The following MEF2A variants were observed in gnomAD, a reference collection of about 807,000 sequenced individuals.
MEF2A encodes myocyte enhancer factor 2A.
A neutral mutation model predicts 55.8 loss-of-function variants in MEF2A; 28 were observed. The observed-to-expected ratio is 0.50, with a 90% CI of 0.37 to 0.69. MEF2A has a LOEUF of 0.69. Among genes scored for constraint, MEF2A ranks in the 30% least tolerant of loss-of-function variants. MEF2A has a pLI of 0.00. For missense variants in MEF2A, 528 were observed against 626.2 expected (o/e 0.84, Z 1.67); for synonymous variants, 239 against 227.1 (o/e 1.05, Z -0.47).
In MEF2A at chr15:99,621,308, C is replaced by G. The variant is rs185400214; in HGVS notation, c.-142-11670C>G. ...ACCTCTGTAGGCTTCTATATTATTC[C>G]CCTGCCATATATTCACTCTTTTGAT... On this transcript the variant is annotated intron_variant, in intron 2 of 11. Transcript: ENST00000557942. Among the ~76,000 whole-genome samples the G allele has an allele frequency of 4.3e-3, 655 of 152,114 alleles. 9 individuals are homozygous for G. Among genetic ancestry groups the G allele is most frequent in the African/African-American group, 0.015 (605 of 41,508 alleles).
chr15:99,647,744 A>C (rs1411846717), intron 4 of MEF2A, among the ~76,000 whole-genome samples: 1 of 152,178 alleles, frequency 6.6e-6, no homozygotes, highest in African/African-American at 2.4e-5. Context: ...ATTTCCTCAA[A>C]ATAAGTTAAA....
intron 3 of MEF2A, among the ~76,000 whole-genome samples, chr15:99,639,430 C>A (rs989957562): frequency 6.6e-6 from 1 of 152,200 alleles, no homozygotes; most frequent in Non-Finnish European, 1.5e-5. Flanking sequence ...TGCTCTCATT[C>A]AATACAGCTA....
chr15:99,687,390 C>G (rs1343022277), intron 7 of MEF2A, among the ~76,000 whole-genome samples: 1 of 151,936 alleles, frequency 6.6e-6, no homozygotes, highest in Non-Finnish European at 1.5e-5. Flanking sequence ...TTTGTAACAC[C>G]TAGTGTCTGC....
chr15:99,675,554 T>C, intron 7 of MEF2A, 96 bp downstream of exon 7: 1 of 1,049,212 alleles, frequency 9.5e-7, no homozygotes. Flanking sequence ...GGAAATTTCC[T>C]TCTGAAGGGT....
intron 4 of MEF2A, among the ~76,000 whole-genome samples, chr15:99,649,229 T>G (rs1269354227): frequency 6.6e-6 from 1 of 152,144 alleles, no homozygotes; most frequent in Non-Finnish European, 1.5e-5. Context: ...GATGTATATA[T>G]CCCCTACATT....
At chr15:99,698,591 G>A (rs1324109855) in intron 8 of MEF2A, among the ~76,000 whole-genome samples, 3 of 151,708 alleles carry the variant, frequency 2.0e-5, no homozygotes, top group Non-Finnish European at 2.9e-5. Flanking sequence ...TTGGGAGTTC[G>A]AGACCAGCCT....
At chr15:99,666,986 C>T (rs1207971206) in intron 4 of MEF2A, among the ~76,000 whole-genome samples, 1 of 152,202 alleles carries the variant, frequency 6.6e-6, no homozygotes, top group Non-Finnish European at 1.5e-5. Flanking sequence ...CCTGTCTTGT[C>T]ATATTTCATC....
intron 4 of MEF2A, among the ~76,000 whole-genome samples, chr15:99,669,476 G>A (rs899729600): frequency 2.0e-5 from 3 of 152,160 alleles, no homozygotes; most frequent in African/African-American, 7.2e-5. Context: ...GAGGATAAAT[G>A]CCTTTATCCT....
At chr15:99,588,777 A>T (rs561185807) in intron 1 of MEF2A, among the ~76,000 whole-genome samples, 78 of 150,314 alleles carry the variant, frequency 5.2e-4, no homozygotes, top group Non-Finnish European at 8.7e-4. Context: ...TTTTTTTTTT[A>T]AATTTTTTCC....
chr15:99,653,852 A>T (rs2047248574), intron 4 of MEF2A, among the ~76,000 whole-genome samples: 1 of 152,042 alleles, frequency 6.6e-6, no homozygotes, highest in Non-Finnish European at 1.5e-5. Context: ...TTTTTATATA[A>T]ATTTTCTTTT....
chr15:99,638,995 A>G (rs922571687), intron 3 of MEF2A, among the ~76,000 whole-genome samples: 3 of 152,176 alleles, frequency 2.0e-5, no homozygotes, highest in Admixed American at 1.3e-4. Flanking sequence ...TTGGTCTTCC[A>G]ACAACTACTC....
intron 7 of MEF2A, chr15:99,678,722 T>G (rs2052603958): frequency 2.1e-6 from 2 of 967,858 alleles, no homozygotes; most frequent in Non-Finnish European, 2.5e-6. Flanking sequence ...AGGCAAAGAC[T>G]TCTTAAATAA....
intron 4 of MEF2A, among the ~76,000 whole-genome samples, chr15:99,658,632 T>G (rs1217282064): frequency 6.6e-6 from 1 of 151,340 alleles, no homozygotes; most frequent in Non-Finnish European, 1.5e-5. Flanking sequence ...AAACTCTATA[T>G]AGACATAGTG....
At position 99,712,706 on chromosome 15, in the gene MEF2A, C is replaced by A; in HGVS notation, c.1453C>A (p.Pro485Thr). 6.4e-7 allele frequency: 1 copy of A among 1,565,170 alleles called. No homozygotes were observed. Reference sequence around the variant, plus strand: ...TTCTCCAATTGTGCTTGGCCGACCCCCAAACACTGAGGACAGAGAAAGCCC... The same window carrying A: ...TTCTCCAATTGTGCTTGGCCGACCCACAAACACTGAGGACAGAGAAAGCCC... ...FHSPIVLGRP[P>T]NTEDRESPSV... is the part of the protein sequence containing the mutation. Residue 485 changes from proline (P) to threonine (T), a missense_variant, in exon 12 of 12, where the codon CCA (proline) becomes ACA (threonine). Transcript: ENST00000557942. This position sits in a 1 kb window ranked among gnomAD's most constrained non-coding sequence, Gnocchi z 4.1.
chr15:99,621,787 C>T (rs950615573), intron 2 of MEF2A, among the ~76,000 whole-genome samples: 2 of 152,020 alleles, frequency 1.3e-5, no homozygotes, highest in East Asian at 1.9e-4. Flanking sequence ...ATAGAGATGC[C>T]TGTTTATTTC....
At chr15:99,601,217 G>T (rs1488218826) in intron 2 of MEF2A, among the ~76,000 whole-genome samples, 4 of 152,082 alleles carry the variant, frequency 2.6e-5, no homozygotes, top group Non-Finnish European at 5.9e-5. Context: ...AGATAGAATT[G>T]ATTTTTATAT....
At chr15:99,662,345 A>G (rs1202734655) in intron 4 of MEF2A, among the ~76,000 whole-genome samples, 1 of 152,230 alleles carries the variant, frequency 6.6e-6, no homozygotes, top group African/African-American at 2.4e-5. Context: ...CAGAGTAGCT[A>G]GAAAGAATAG....
At chr15:99,570,162 A>G (rs909544816) in intron 1 of MEF2A, among the ~76,000 whole-genome samples, 1 of 152,176 alleles carries the variant, frequency 6.6e-6, no homozygotes, top group South Asian at 2.1e-4. Context: ...TACCATATTT[A>G]AACATTGGTG....
intron 3 of MEF2A, among the ~76,000 whole-genome samples, chr15:99,637,232 TA>T (rs2153435096): frequency 6.6e-6 from 1 of 152,202 alleles, no homozygotes; most frequent in East Asian, 1.9e-4. Context: ...GGAATTTAGA[TA>T]TTTTTTTTCC....
Sources: allele counts gnomAD v4.1 joint callset (sites outside exome capture counted in the v4.1 genomes callset), GRCh38; gene constraint gnomAD v4.1.1; non-coding constraint Gnocchi (gnomAD v3.1); transcripts MANE v1.5; gene names NCBI Gene and HGNC (gene_info 2026-07-23, HGNC 2026-07-21).